The following SDK1 variants were observed in gnomAD, a reference collection of about 807,000 sequenced individuals.
SDK1 encodes protein sidekick-1.
SDK1 carries 157 observed loss-of-function variants against 245.5 expected under a neutral mutation model. The observed-to-expected ratio is 0.64, with a 90% confidence interval of 0.56 to 0.73. The LOEUF is 0.73. Ranked by LOEUF, SDK1 falls within the 30% of genes least tolerant of loss-of-function variation. The probability of loss-of-function intolerance (pLI) is 0.00; values close to 1 mark genes in which losing one functional copy is unlikely to be tolerated. For missense variants in SDK1, 3,583 were observed against 3,002.3 expected (o/e 1.19, Z -4.52); for synonymous variants, 1,647 against 1,278.5 (o/e 1.29, Z -6.15).
intron 5 of SDK1, among the ~76,000 whole-genome samples, 162 bp from the exon 6 acceptor site, chr7:3,950,761 C>T (rs139753425): frequency 2.6e-5 from 4 of 152,228 alleles, no homozygotes; most frequent in African/African-American, 9.6e-5. Flanking sequence ...AAAAGCCCTG[C>T]GTGGAGCCAT....
At chr7:3,959,055 G>A (rs1222797795) in intron 8 of SDK1, 41 bp downstream of exon 8, 1 of 1,483,576 alleles carries the variant, frequency 6.7e-7, no homozygotes. Flanking sequence ...CCATGACTGG[G>A]AGGAAGGGAA....
In SDK1 at chr7:3,829,612, C is replaced by T. The variant is rs145975771; in HGVS notation, c.847+8029C>T. On this transcript the variant is annotated intron_variant, in intron 5 of 44. Coordinates refer to ENST00000404826, the MANE Select transcript of SDK1 (RefSeq NM_152744.4). ...CCAATGAAAGCAGAACAACATATAC[C>T]ATGGAGGCTGGGTGTGCTCTTGAGG... Among the ~76,000 whole-genome samples, 423 of 152,228 alleles carry T rather than the reference C, an allele frequency of 2.8e-3. 1 individual carries two copies. The highest frequency in any genetic ancestry group is 9.8e-3 in the African/African-American group (408 of 41,536).
Position 4,267,678 on chromosome 7 carries a change from G to A in SDK1, c.*2294G>A, listed in dbSNP as rs1788553649. 1.0e-6 allele frequency: 1 copy of A among 985,470 alleles called. No homozygotes were observed. The highest frequency in any genetic ancestry group is 1.2e-6 in the Non-Finnish European group (1 of 829,940). The allele number at this position is 985,470 out of a possible 1,614,324, so 61.0% of individuals were successfully genotyped here. On this transcript the variant is annotated 3_prime_UTR_variant, in exon 45 of 45. Coordinates refer to ENST00000404826, the MANE Select transcript of SDK1 (RefSeq NM_152744.4). ...GAGTGTTGAGACGTCTTAGGTTGAGGATGAGCAGATTCGAGATATGTTTGT... is the reference window on the plus strand; with the variant it reads ...GAGTGTTGAGACGTCTTAGGTTGAGAATGAGCAGATTCGAGATATGTTTGT...
chr7:3,578,753 C>T (rs1780387724), intron 1 of SDK1, among the ~76,000 whole-genome samples: 1 of 151,890 alleles, frequency 6.6e-6, no homozygotes, highest in South Asian at 2.1e-4. Context: ...CTTTTTGCCT[C>T]ACCCCACAGG....
chr7:4,229,423 G>T (rs748356581), intron 40 of SDK1, among the ~76,000 whole-genome samples: 6 of 152,194 alleles, frequency 3.9e-5, no homozygotes, highest in Non-Finnish European at 7.3e-5. Flanking sequence ...CAACATTTTT[G>T]AGTGTAAATG....
intron 22 of SDK1, among the ~76,000 whole-genome samples, chr7:4,097,258 AGCTCCTGTACGGCCAGGG>A (rs1782211626): frequency 6.6e-6 from 1 of 150,992 alleles, no homozygotes; most frequent in Admixed American, 6.6e-5. Context: ...GGAAGCAGAC[AGCTCCTGTACGGCCAGGG>A]GCTCTCAGGT....
chr7:3,389,980 G>A (rs540492683), intron 1 of SDK1, among the ~76,000 whole-genome samples: 2 of 152,266 alleles, frequency 1.3e-5, no homozygotes, highest in East Asian at 1.9e-4. Flanking sequence ...AAATGAGCTT[G>A]TTATTGGTAA....
At chr7:3,418,591 G>A (rs190629289) in intron 1 of SDK1, among the ~76,000 whole-genome samples, 1 of 152,164 alleles carries the variant, frequency 6.6e-6, no homozygotes, top group African/African-American at 2.4e-5. Flanking sequence ...AAATGACTAA[G>A]TCTTCACGTG....
chr7:3,553,130 A>G (rs933027398), intron 1 of SDK1, among the ~76,000 whole-genome samples: 1 of 152,142 alleles, frequency 6.6e-6, no homozygotes, highest in Non-Finnish European at 1.5e-5. Flanking sequence ...TATTTTTCAT[A>G]AAACTTAATT....
At chr7:3,372,726 C>T (rs1210893424) in intron 1 of SDK1, among the ~76,000 whole-genome samples, 1 of 152,118 alleles carries the variant, frequency 6.6e-6, no homozygotes, top group Non-Finnish European at 1.5e-5. Context: ...GTGATCCATG[C>T]TGAAAGAAAA....
chr7:4,124,429 T>G (rs1468114896), intron 25 of SDK1, among the ~76,000 whole-genome samples: 1 of 152,124 alleles, frequency 6.6e-6, no homozygotes, highest in Non-Finnish European at 1.5e-5. Context: ...GTTCTCCCTG[T>G]GTGTGTCTGT....
chr7:3,501,646 G>T (rs959999703), intron 1 of SDK1, among the ~76,000 whole-genome samples: 2 of 152,170 alleles, frequency 1.3e-5, no homozygotes. Context: ...TTGATCCACT[G>T]TGTGTACTTT....
At chr7:3,573,374 A>C (rs966622386) in intron 1 of SDK1, among the ~76,000 whole-genome samples, 3 of 152,074 alleles carry the variant, frequency 2.0e-5, no homozygotes, top group Non-Finnish European at 2.9e-5. Flanking sequence ...GGCTGAGCAG[A>C]GCACCCTTCT....
chr7:3,790,550 G>T (rs560103417), intron 4 of SDK1, among the ~76,000 whole-genome samples: 39 of 152,320 alleles, frequency 2.6e-4, no homozygotes, highest in Non-Finnish European at 5.0e-4. Flanking sequence ...GGTCACACCT[G>T]TAATCCCAGC....
chr7:3,767,746 C>T (rs1052982502), intron 4 of SDK1, among the ~76,000 whole-genome samples: 2 of 152,028 alleles, frequency 1.3e-5, no homozygotes, highest in African/African-American at 2.4e-5. Context: ...AGTCTGTGTT[C>T]TTAATTATCT....
rs374001123 is a variant in SDK1, at chr7:4,020,664, G to A, written c.2602+3312G>A. On this transcript the variant is annotated intron_variant, in intron 17 of 44. Transcript: ENST00000404826. Reference sequence around the variant, plus strand: ...GGACAGTGGTGGGGGCGCAGTGAGCGTGACGTTTCACACACACGTGTATAT... The same window carrying A: ...GGACAGTGGTGGGGGCGCAGTGAGCATGACGTTTCACACACACGTGTATAT... 1.1e-3 allele frequency among the ~76,000 whole-genome samples: 162 copies of A among 152,306 alleles called. 3 individuals are homozygous for A. In the South Asian group the frequency reaches 0.028, roughly 26 times the overall value.
intron 1 of SDK1, among the ~76,000 whole-genome samples, chr7:3,607,128 C>T (rs1038651346): frequency 1.5e-4 from 23 of 151,998 alleles, no homozygotes; most frequent in African/African-American, 4.8e-4. Flanking sequence ...CTAGTCACTA[C>T]CTGCACTACA....
rs17133971 is a variant in SDK1, at chr7:3,877,038, C to T, written c.847+55455C>T. Among the ~76,000 whole-genome samples, 1,007 of 152,294 alleles carry T rather than the reference C, an allele frequency of 6.6e-3. 12 individuals carry two copies. Among genetic ancestry groups the T allele is most frequent in the African/African-American group, 0.023 (939 of 41,554 alleles). On this transcript the variant is annotated intron_variant, in intron 5 of 44. Transcript: ENST00000404826. ...TCCTTTGTATAAATCTTCATTCTTA[C>T]ATTCAGAGGTGACGTGGGCATAGTT... is the stretch of plus-strand genomic sequence containing the variant.
intron 1 of SDK1, among the ~76,000 whole-genome samples, chr7:3,415,589 C>G (rs543718976): frequency 8.6e-5 from 13 of 151,996 alleles, no homozygotes; most frequent in African/African-American, 2.7e-4. Flanking sequence ...CCCATATACA[C>G]ACACAGAAGT....
Sources: gnomAD v4.1 joint callset for allele counts (sites outside exome capture counted in the v4.1 genomes callset) on GRCh38, gnomAD v4.1.1 for gene constraint, MANE v1.5 for transcripts, NCBI Gene and HGNC (gene_info 2026-07-23, HGNC 2026-07-21) for gene names.